FHAD1: variants seen among roughly 807,000 people sequenced by gnomAD.
The protein encoded by FHAD1 is forkhead-associated domain-containing protein 1.
FHAD1 carries 146 observed loss-of-function variants against 191.3 expected under a neutral mutation model. The observed-to-expected ratio is 0.76, with a 90% CI of 0.67 to 0.88. The LOEUF (loss-of-function observed/expected upper bound fraction) is 0.88, where lower values mean the gene tolerates loss of function less well. Among genes scored for constraint, FHAD1 ranks in the 40% least tolerant of loss-of-function variants. FHAD1 has a pLI of 0.00. For missense variants in FHAD1, 1,635 were observed against 1,785.8 expected, an observed-to-expected ratio of 0.92 and a Z score of 1.52; for synonymous variants, 616 against 672.3, an observed-to-expected ratio of 0.92 and a Z score of 1.29.
In FHAD1 at chr1:15,308,625, C is replaced by G; in HGVS notation, c.928C>G (p.Gln310Glu). The G allele has an allele frequency of 1.3e-6, 2 of 1,551,722 alleles. No individual in the cohort carries two copies. Among genetic ancestry groups the G allele is most frequent in the Non-Finnish European group, 8.7e-7 (1 of 1,146,980 alleles). The change falls in exon 7 of 34, where the codon CAG becomes GAG. Residue 310 changes from glutamine to glutamate, a missense_variant. Transcript: ENST00000688493. ...CCTCCTCCCACAGATCAGTGCCCTA[C>G]AGAAAGGCTACAGCAAGGTGCTGTG... ...QSLKSQISAL[Q>E]KGYSKVLCQT...
chr1:15,353,722 A>G (rs574127810), intron 20 of FHAD1, among the ~76,000 whole-genome samples: 50 of 146,394 alleles, frequency 3.4e-4, no homozygotes, highest in African/African-American at 9.8e-4. Context: ...AAAAAAAAAA[A>G]AAAAGAAAAG....
chr1:15,339,773 C>G (rs1685764019), intron 15 of FHAD1, among the ~76,000 whole-genome samples: 1 of 152,118 alleles, frequency 6.6e-6, no homozygotes, highest in African/African-American at 2.4e-5. Flanking sequence ...GCCCTCTGGC[C>G]TCCTGGGCCA....
At chr1:15,324,123 C>T (rs1407403242) in intron 10 of FHAD1, among the ~76,000 whole-genome samples, 1 of 152,220 alleles carries the variant, frequency 6.6e-6, no homozygotes, top group Non-Finnish European at 1.5e-5. Context: ...GAACTAGTAT[C>T]ACCCCATTTG....
chr1:15,335,834 A>G (rs1233135795), intron 14 of FHAD1, among the ~76,000 whole-genome samples: 2 of 152,160 alleles, frequency 1.3e-5, no homozygotes, highest in African/African-American at 4.8e-5. Context: ...ATGTGATCAA[A>G]TACTGGCCTC....
Position 15,345,069 on chromosome 1 carries a change from T to G in FHAD1, c.2131-14T>G. 1 of 1,538,750 alleles carries G rather than the reference T, an allele frequency of 6.5e-7. No individual in the cohort carries two copies. Among genetic ancestry groups the G allele is most frequent in the South Asian group, 1.2e-5 (1 of 83,818 alleles). ...GGTAACCATGTCTGTTAAACAATGG[T>G]CATTGGTTTCCAGGCTTTGGAGGAG... is the stretch of plus-strand genomic sequence containing the variant. On this transcript the variant is annotated splice_polypyrimidine_tract_variant and intron_variant, in intron 16 of 33. Coordinates refer to ENST00000688493, the MANE Select transcript of FHAD1 (RefSeq NM_001391957.1).
intron 4 of FHAD1, among the ~76,000 whole-genome samples, chr1:15,290,996 G>A (rs1021679534): frequency 1.3e-5 from 2 of 151,874 alleles, no homozygotes; most frequent in Non-Finnish European, 2.9e-5. Context: ...TTACAGACAT[G>A]AGCCACTGCG....
upstream of FHAD1, among the ~76,000 whole-genome samples, chr1:15,245,835 C>G (rs1236933713): frequency 6.6e-6 from 1 of 152,196 alleles, no homozygotes; most frequent in Non-Finnish European, 1.5e-5. Flanking sequence ...ATCAGAATCT[C>G]TGGGGTCTGT....
At chr1:15,370,719 TGTGATA>T (rs1697823752) in intron 26 of FHAD1, among the ~76,000 whole-genome samples, 1 of 152,188 alleles carries the variant, frequency 6.6e-6, no homozygotes, top group African/African-American at 2.4e-5. Flanking sequence ...TGACTGGGGC[TGTGATA>T]CTCCCGATGA....
chr1:15,313,195 A>G lies in FHAD1; in HGVS notation c.1170+8A>G. The G allele has an allele frequency of 1.3e-6, 2 of 1,551,826 alleles. No homozygotes were observed. Among genetic ancestry groups the G allele is most frequent in the Non-Finnish European group, 1.7e-6 (2 of 1,146,980 alleles). ...GAAGCCCTTGGCTCTAGAGTGAGTA[A>G]GGATGACTGCGTCACCTTGTAGCCA... On this transcript the variant is annotated splice_region_variant and intron_variant, in intron 8 of 33. Transcript: ENST00000688493.
chr1:15,333,824 C>CTTTTTTTTTTTTTTTTTTT (rs55698715), intron 14 of FHAD1, among the ~76,000 whole-genome samples: 15 of 64,810 alleles, frequency 2.3e-4, no homozygotes, highest in Non-Finnish European at 2.8e-4. Flanking sequence ...TTTTATTTAT[C>CTTTTTTTTTTTTTTTTTTT]TTTTTTTTTT....
upstream of FHAD1, among the ~76,000 whole-genome samples, chr1:15,245,584 T>C (rs571755287): frequency 3.9e-5 from 6 of 152,222 alleles, no homozygotes; most frequent in Middle Eastern, 3.2e-3. Flanking sequence ...AGCTTGACCC[T>C]CTCTGTTCCT....
downstream of FHAD1, chr1:15,400,007 C>G (rs1005513511): frequency 6.6e-6 from 1 of 152,240 alleles, no homozygotes; most frequent in Non-Finnish European, 1.5e-5. Flanking sequence ...GGAAAAGCTC[C>G]TGTGGAGGGC....
chr1:15,340,518 G>A (rs1371525821), intron 15 of FHAD1, among the ~76,000 whole-genome samples: 3 of 152,050 alleles, frequency 2.0e-5, no homozygotes, highest in South Asian at 2.1e-4. Context: ...GAGACTACGA[G>A]GTATAAAAGA....
chr1:15,372,221 G>A (rs1698300551), intron 26 of FHAD1, among the ~76,000 whole-genome samples: 1 of 151,608 alleles, frequency 6.6e-6, no homozygotes, highest in Non-Finnish European at 1.5e-5. Flanking sequence ...GGAACGAGTG[G>A]TGGGGACATG....
At chr1:15,248,644 G>C (rs972466440) in intron 1 of FHAD1, among the ~76,000 whole-genome samples, 12 of 151,422 alleles carry the variant, frequency 7.9e-5, no homozygotes, top group African/African-American at 2.9e-4. Flanking sequence ...AGAGTGCAGT[G>C]GCACAATCTC....
At chr1:15,302,553 G>A (rs531606128) in intron 6 of FHAD1, among the ~76,000 whole-genome samples, 13 of 152,110 alleles carry the variant, frequency 8.5e-5, no homozygotes, top group African/African-American at 1.7e-4. Context: ...GTGAAACCCC[G>A]TCTCTACTAA....
intron 20 of FHAD1, among the ~76,000 whole-genome samples, chr1:15,354,502 T>C (rs1692038852): frequency 6.6e-6 from 1 of 152,166 alleles, no homozygotes; most frequent in South Asian, 2.1e-4. Flanking sequence ...GGGAGGCACA[T>C]GCTGCAGGCT....
At chr1:15,353,153 T>G (rs1268462765) in intron 20 of FHAD1, among the ~76,000 whole-genome samples, 169 bp downstream of exon 20, 2 of 152,056 alleles carry the variant, frequency 1.3e-5, no homozygotes, top group Non-Finnish European at 2.9e-5. Flanking sequence ...TGAAATACAC[T>G]CAATACACAC....
chr1:15,380,788 G>A lies in FHAD1; in HGVS notation c.3793G>A (p.Glu1265Lys), dbSNP rs1450109580. 1.9e-5 allele frequency: 29 copies of A among 1,551,438 alleles called. No individual in the cohort carries two copies. Among genetic ancestry groups the A allele is most frequent in the Non-Finnish European group, 2.4e-5 (27 of 1,146,936 alleles). The change falls in exon 29 of 34, where the codon GAA (glutamate) becomes AAA (lysine). Residue 1265 changes from glutamate (E) to lysine (K), a missense_variant. Coordinates refer to ENST00000688493, the MANE Select transcript of FHAD1 (RefSeq NM_001391957.1). Reference sequence around the variant, plus strand: ...TGTGGCTGAGGCTTTAGAGCTCAGTGAAAAGCTGGTATGTACATCCAGCAT... The same window carrying A: ...TGTGGCTGAGGCTTTAGAGCTCAGTAAAAAGCTGGTATGTACATCCAGCAT... ...MDVAEALELS[E>K]KLYLDMSKTL...
Sources: gnomAD v4.1 joint callset for allele counts (sites outside exome capture counted in the v4.1 genomes callset) on GRCh38, gnomAD v4.1.1 for gene constraint, MANE v1.5 for transcripts, NCBI Gene and HGNC (gene_info 2026-07-23, HGNC 2026-07-21) for gene names.